Variants in SYT10 observed in about 807,000 individuals in gnomAD.
SYT10 encodes the protein synaptotagmin-10.
A neutral mutation model predicts 51.1 loss-of-function variants in SYT10; 31 were observed. The observed-to-expected ratio is 0.61, with a 90% CI of 0.46 to 0.82. SYT10 has a LOEUF of 0.82. Among genes scored for constraint, SYT10 ranks in the 40% least tolerant of loss-of-function variants. SYT10 has a pLI of 0.00. For missense variants in SYT10, 603 were observed against 634.0 expected (o/e 0.95, Z 0.53); for synonymous variants, 233 against 225.9 (o/e 1.03, Z -0.28).
chr12:33,433,355 A>C (rs903981169), intron 1 of SYT10, among the ~76,000 whole-genome samples: 1 of 152,154 alleles, frequency 6.6e-6, no homozygotes, highest in African/African-American at 2.4e-5. Context: ...TACACTGTTA[A>C]TTACTTCACT....
chr12:33,413,804 T>A lies in SYT10; in HGVS notation c.510-6448A>T, dbSNP rs534147600. Among the ~76,000 whole-genome samples, 17 of 152,282 alleles carry A rather than the reference T, an allele frequency of 1.1e-4. No individual in the cohort carries two copies. In the East Asian group the frequency reaches 1.2e-3, roughly 10 times the overall value. ...CGAGCAAAATAACCAGCTAACATCA[T>A]AATGACAGGATCAAATTCACACATA... On this transcript the variant is annotated intron_variant, in intron 2 of 6. Coordinates refer to ENST00000228567, the MANE Select transcript of SYT10 (RefSeq NM_198992.4).
chr12:33,411,528 A>G (rs1265155399), intron 2 of SYT10, among the ~76,000 whole-genome samples: 1 of 152,186 alleles, frequency 6.6e-6, no homozygotes, highest in Non-Finnish European at 1.5e-5. Context: ...AAAATTTGTA[A>G]GGCGATTTGT....
In SYT10 at chr12:33,380,032, A is replaced by C. The variant is rs1246574821; in HGVS notation, c.1371-71T>G. ...TAAAGGGGGTTTCACAAATCGTAGTAGAATTTTAAAAATATGATTAAAACA... is the reference window on the plus strand; with the variant it reads ...TAAAGGGGGTTTCACAAATCGTAGTCGAATTTTAAAAATATGATTAAAACA... On this transcript the variant is annotated intron_variant, in intron 5 of 6. Transcript: ENST00000228567. The C allele has an allele frequency of 4.0e-6, 6 of 1,492,854 alleles. 1 individual carries two copies. The Admixed American group carries it at 1.2e-4, about 31-fold the overall frequency. 92.5% of individuals were successfully genotyped at this position (1,492,854 alleles called of 1,614,324 possible).
At chr12:33,399,135 A>G (rs1250716411) in intron 3 of SYT10, among the ~76,000 whole-genome samples, 2 of 152,226 alleles carry the variant, frequency 1.3e-5, no homozygotes, top group Non-Finnish European at 2.9e-5. Context: ...GCAACAAATC[A>G]TCCTTTTGCT....
chr12:33,397,588 G>A (rs1866267467), intron 3 of SYT10, among the ~76,000 whole-genome samples: 1 of 152,064 alleles, frequency 6.6e-6, no homozygotes. Flanking sequence ...CACCAAACAG[G>A]GTAGAGAACA....
At chr12:33,432,147 A>G (rs1339845297) in intron 1 of SYT10, among the ~76,000 whole-genome samples, 1 of 152,152 alleles carries the variant, frequency 6.6e-6, no homozygotes, top group Non-Finnish European at 1.5e-5. Flanking sequence ...AAGTTTTAAA[A>G]GAAGTATTTC....
intron 3 of SYT10, among the ~76,000 whole-genome samples, chr12:33,398,536 C>T (rs1866276981): frequency 6.6e-6 from 1 of 151,754 alleles, no homozygotes; most frequent in African/African-American, 2.4e-5. Flanking sequence ...AAACAAAAAG[C>T]AATAATATCT....
chr12:33,377,629 C>CTTTTTTTTTTTTTT (rs375275079), intron 6 of SYT10, among the ~76,000 whole-genome samples: 1 of 114,006 alleles, frequency 8.8e-6, no homozygotes. Context: ...TTTTCTTTTT[C>CTTTTTTTTTTTTTT]TTTTTTTTTT....
chr12:33,375,819 G>A lies in SYT10; in HGVS notation c.*1011C>T, dbSNP rs1172404727. The A allele has an allele frequency of 6.6e-6, 1 of 152,508 alleles. No individual in the cohort carries two copies. Among genetic ancestry groups the A allele is most frequent in the African/African-American group, 2.4e-5 (1 of 41,426 alleles). The allele number at this position is 152,508 out of a possible 1,614,324, so 9.4% of individuals were successfully genotyped here. On this transcript the variant is annotated 3_prime_UTR_variant, in exon 7 of 7. Transcript: ENST00000228567. ...ATGATGAGCTTCTGACTGGGTTTAA[G>A]AGTCACCATTACTGTGTACAATCTA... is the stretch of plus-strand genomic sequence containing the variant.
At position 33,407,103 on chromosome 12, in the gene SYT10, C is replaced by G; in HGVS notation, c.763G>C (p.Ala255Pro). The G allele has an allele frequency of 9.9e-6, 16 of 1,613,606 alleles. No homozygotes were observed. Among genetic ancestry groups the G allele is most frequent in the Non-Finnish European group, 1.4e-5 (16 of 1,179,876 alleles). ...AAGTCTTTAGCAGGGAGATCTAAAG[C>G]TTTGATAATTTTAACAACTAGAAGT... The part of the protein sequence containing the change: ...NELLVVKIIK[A>P]LDLPAKDFTG... Residue 255 changes from alanine to proline, a missense_variant, in exon 3 of 7, where the codon GCT (alanine) becomes CCT (proline). By Grantham distance (27) the Ala-to-Pro change is conservative. Coordinates refer to ENST00000228567, the MANE Select transcript of SYT10 (RefSeq NM_198992.4).
At chr12:33,395,833 C>T (rs1301668784) in intron 3 of SYT10, among the ~76,000 whole-genome samples, 3 of 151,424 alleles carry the variant, frequency 2.0e-5, no homozygotes, top group African/African-American at 7.3e-5. Flanking sequence ...ATTCTGTAAG[C>T]CAATAGTTGG....
Position 33,407,696 on chromosome 12 carries a change from C to T in SYT10, c.510-340G>A, listed in dbSNP as rs527953907. ...TTATAGCTCACTGTAGCTTAAAACT[C>T]CTGAGCTCAAGCCATCCTCTGGCCT... On this transcript the variant is annotated intron_variant, in intron 2 of 6. Transcript: ENST00000228567. 4.7e-5 allele frequency: 9 copies of T among 190,416 alleles called. No homozygotes were observed. The South Asian group carries it at 1.0e-3, about 22-fold the overall frequency. The allele number at this position is 190,416 out of a possible 1,614,324, so 11.8% of individuals were successfully genotyped here. A position where few individuals can be genotyped will look rare whatever the true frequency, so the allele number is the denominator to read the frequency against.
chr12:33,419,754 T>C (rs1269465375), intron 2 of SYT10, among the ~76,000 whole-genome samples: 1 of 152,242 alleles, frequency 6.6e-6, no homozygotes, highest in African/African-American at 2.4e-5. Flanking sequence ...TAAATGAATG[T>C]ATATGAAGTA....
rs1866668533 is a variant in SYT10, at chr12:33,439,640, A to G, written c.-118T>C. Reference sequence around the variant, plus strand: ...GTCCGCCCGCGGTGACTTTGGCTGGAGATTGCGCCGCTGAGAGCCGGCAAC... The same window carrying G: ...GTCCGCCCGCGGTGACTTTGGCTGGGGATTGCGCCGCTGAGAGCCGGCAAC... On this transcript the variant is annotated 5_prime_UTR_variant, in exon 1 of 7. Coordinates refer to ENST00000228567, the MANE Select transcript of SYT10 (RefSeq NM_198992.4). 14 of 1,298,356 alleles carry G rather than the reference A, an allele frequency of 1.1e-5. No individual in the cohort carries two copies. Among genetic ancestry groups the G allele is most frequent in the Non-Finnish European group, 1.5e-5 (14 of 953,486 alleles). 80.4% of individuals were successfully genotyped at this position (1,298,356 alleles called of 1,614,324 possible). A position where few individuals can be genotyped will look rare whatever the true frequency, so the allele number is the denominator to read the frequency against.
At chr12:33,418,530 T>G (rs950530297) in intron 2 of SYT10, among the ~76,000 whole-genome samples, 1 of 152,180 alleles carries the variant, frequency 6.6e-6, no homozygotes, top group African/African-American at 2.4e-5. Flanking sequence ...TAACAGAATC[T>G]TTAAATACCA....
At chr12:33,422,089 T>TAAA (rs58610962) in intron 2 of SYT10, among the ~76,000 whole-genome samples, 2 of 146,114 alleles carry the variant, frequency 1.4e-5, no homozygotes, top group Admixed American at 6.8e-5. Context: ...CTTAAAGTAT[T>TAAA]AAAAAAAAAA....
intron 1 of SYT10, among the ~76,000 whole-genome samples, chr12:33,428,669 G>A (rs1162088178): frequency 6.6e-6 from 1 of 152,200 alleles, no homozygotes; most frequent in East Asian, 1.9e-4. Context: ...CACTTTGGGA[G>A]GCTGAGACGG....
In SYT10 at chr12:33,422,625, T is replaced by C. The variant is rs547398309; in HGVS notation, c.509+3513A>G. Among the ~76,000 whole-genome samples the C allele has an allele frequency of 5.9e-5, 9 of 152,154 alleles. No homozygotes were observed. The South Asian group carries it at 1.9e-3, about 32-fold the overall frequency. ...TCTATTTTTTGATCACAGTACCTTATCTGCTGTTTTCTTAGCAAAATTTCC... is the reference window on the plus strand; with the variant it reads ...TCTATTTTTTGATCACAGTACCTTACCTGCTGTTTTCTTAGCAAAATTTCC... On this transcript the variant is annotated intron_variant, in intron 2 of 6. Coordinates refer to ENST00000228567, the MANE Select transcript of SYT10 (RefSeq NM_198992.4).
intron 5 of SYT10, among the ~76,000 whole-genome samples, chr12:33,381,298 CT>C (rs201425780): frequency 0.015 from 2,334 of 152,252 alleles, 27 homozygotes; most frequent in Non-Finnish European, 0.023. Context: ...GTTTCCCCCC[CT>C]AGCTCTAAGC....
Sources: gnomAD v4.1 joint callset for allele counts (sites outside exome capture counted in the v4.1 genomes callset) on GRCh38, gnomAD v4.1.1 for gene constraint, MANE v1.5 for transcripts, NCBI Gene and HGNC (gene_info 2026-07-23, HGNC 2026-07-21) for gene names.